RPS6KC1: variants seen among roughly 807,000 people sequenced by gnomAD.
The protein encoded by RPS6KC1 is inactive ribosomal protein S6 kinase delta-1.
RPS6KC1 carries 54 observed loss-of-function variants against 103.8 expected under a neutral mutation model. That is an observed-to-expected ratio of 0.52 (90% confidence interval 0.42 to 0.65). RPS6KC1 has a LOEUF of 0.65. RPS6KC1 is among the 30% of genes least tolerant of loss of function. The pLI is 0.00. For synonymous variants in RPS6KC1, 439 were observed against 438.7 expected, an observed-to-expected ratio of 1.00 and a Z score of -0.01; for missense variants, 1,151 against 1,253.8, an observed-to-expected ratio of 0.92 and a Z score of 1.24.
intron 8 of RPS6KC1, among the ~76,000 whole-genome samples, chr1:213,222,116 A>G (rs951016452): frequency 2.0e-5 from 3 of 152,208 alleles, no homozygotes; most frequent in South Asian, 2.1e-4. Flanking sequence ...TAGGCACAAC[A>G]TATTTTGCTT....
intron 8 of RPS6KC1, among the ~76,000 whole-genome samples, chr1:213,217,119 A>T (rs548407404): frequency 1.3e-5 from 2 of 151,676 alleles, no homozygotes; most frequent in East Asian, 1.9e-4. Context: ...ATTGATAGAC[A>T]GCTAGCAAGA....
the RPS6KC1 span, among the ~76,000 whole-genome samples, chr1:213,826,610 G>A: frequency 6.6e-6 from 1 of 152,174 alleles, no homozygotes; most frequent in Non-Finnish European, 1.5e-5. Context: ...GGCAAAAGCA[G>A]GGCATTAAAC....
At chr1:213,224,843 A>C (rs1044801624) in intron 8 of RPS6KC1, among the ~76,000 whole-genome samples, 4 of 152,240 alleles carry the variant, frequency 2.6e-5, no homozygotes, top group Non-Finnish European at 5.9e-5. Context: ...TGTGCATGCA[A>C]CTATAATATT....
At position 213,229,081 on chromosome 1, in the gene RPS6KC1, G is replaced by GT. The variant is rs1185281348; in HGVS notation, c.1045-1413dup. Among the ~76,000 whole-genome samples the GT allele has an allele frequency of 2.6e-5, 4 of 152,210 alleles. No homozygotes were observed. The East Asian group carries it at 7.7e-4, about 29-fold the overall frequency. ...AGTACTATAGGAGGAGCAGCAGGCT[G>GT]TTTGTTTGTTTGGTGAAGGCAGGGC... On this transcript the variant is annotated intron_variant, in intron 8 of 14. Coordinates refer to ENST00000366960, the MANE Select transcript of RPS6KC1 (RefSeq NM_012424.6).
chr1:213,407,535 A>C, the RPS6KC1 span, among the ~76,000 whole-genome samples: 2 of 152,272 alleles, frequency 1.3e-5, no homozygotes, highest in Non-Finnish European at 2.9e-5. Context: ...ACAGGTATCC[A>C]AAATGAAAGC....
At chr1:213,601,992 C>CTTTCT in the RPS6KC1 span, among the ~76,000 whole-genome samples, 242 of 20,120 alleles carry the variant, frequency 0.012, 46 homozygotes, top group Middle Eastern at 0.12. Flanking sequence ...CTCTCTCTTT[C>CTTTCT]TTTCTTTTCT....
intron 6 of RPS6KC1, 51 bp from the exon 7 acceptor site, chr1:213,167,807 G>C (rs760522018): frequency 8.7e-7 from 1 of 1,150,624 alleles, no homozygotes; most frequent in East Asian, 2.4e-5. Context: ...TTAATTTTCA[G>C]GTTGAACTGA....
chr1:213,844,971 C>G, the RPS6KC1 span, among the ~76,000 whole-genome samples: 3 of 151,748 alleles, frequency 2.0e-5, no homozygotes, highest in Admixed American at 2.0e-4. Flanking sequence ...ACGGGAAATA[C>G]AGCCATAGTG....
chr1:213,391,118 C>G, the RPS6KC1 span, among the ~76,000 whole-genome samples: 1 of 152,024 alleles, frequency 6.6e-6, no homozygotes, highest in South Asian at 2.1e-4. Context: ...GCATACTTAC[C>G]GAGCATCACC....
the RPS6KC1 span, among the ~76,000 whole-genome samples, chr1:213,432,339 G>C: frequency 0.42 from 63,442 of 151,926 alleles, 14,092 homozygotes; most frequent in East Asian, 0.55. Context: ...ATTACTTTTA[G>C]TTAAAGAAAC....
chr1:213,716,545 T>C, the RPS6KC1 span, among the ~76,000 whole-genome samples: 3 of 152,186 alleles, frequency 2.0e-5, no homozygotes, highest in Admixed American at 6.6e-5. Context: ...TTTGACATAA[T>C]TTTAGTTTCA....
At chr1:213,070,903 C>G (rs964036302) in intron 1 of RPS6KC1, 103 bp from the exon 2 acceptor site, 10 of 703,570 alleles carry the variant, frequency 1.4e-5, no homozygotes, top group Admixed American at 3.5e-5. Flanking sequence ...TTTTTTTAAG[C>G]AAATTGAATT....
At position 213,241,281 on chromosome 1, in the gene RPS6KC1, G is replaced by A. The variant is rs2094345626; in HGVS notation, c.1805G>A (p.Arg602Lys). ...RSKNSPMEFF[R>K]IDSKDSASEL... ...AAAAATAGCCCCATGGAATTCTTTA[G>A]GATAGACAGTAAGGATAGCGCAAGT... The change falls in exon 11 of 15, where the codon AGG becomes AAG. Residue 602 changes from arginine to lysine, a missense_variant. Arg to Lys is a conservative substitution (Grantham distance 26, BLOSUM62 2). Transcript: ENST00000366960. The A allele has an allele frequency of 1.9e-6, 3 of 1,613,792 alleles. No homozygotes were observed. Among genetic ancestry groups the A allele is most frequent in the Non-Finnish European group, 2.5e-6 (3 of 1,179,932 alleles).
At chr1:213,235,728 C>G (rs2094206644) in intron 10 of RPS6KC1, among the ~76,000 whole-genome samples, 2 of 152,024 alleles carry the variant, frequency 1.3e-5, no homozygotes, top group Admixed American at 1.3e-4. Flanking sequence ...GCAGGCAGAT[C>G]CTGTATAGCA....
chr1:213,473,051 T>C, the RPS6KC1 span, among the ~76,000 whole-genome samples: 1 of 152,234 alleles, frequency 6.6e-6, no homozygotes, highest in Non-Finnish European at 1.5e-5. Flanking sequence ...GTCTGGCATC[T>C]GCCGTTTTAA....
chr1:213,339,297 T>A, the RPS6KC1 span, among the ~76,000 whole-genome samples: 1 of 151,768 alleles, frequency 6.6e-6, no homozygotes, highest in Non-Finnish European at 1.5e-5. Flanking sequence ...AATAAATAAA[T>A]AAAATGAAAA....
chr1:213,280,546 C>G, the RPS6KC1 span, among the ~76,000 whole-genome samples: 1 of 152,134 alleles, frequency 6.6e-6, no homozygotes, highest in East Asian at 1.9e-4. Context: ...TGTAGCAGAG[C>G]TGCTCTGTGT....
the RPS6KC1 span, among the ~76,000 whole-genome samples, chr1:213,443,445 G>A: frequency 6.6e-6 from 1 of 152,180 alleles, no homozygotes; most frequent in South Asian, 2.1e-4. Context: ...GCTATCTATT[G>A]GACAAACTCC....
At chr1:213,650,086 C>T in the RPS6KC1 span, among the ~76,000 whole-genome samples, 28 of 152,278 alleles carry the variant, frequency 1.8e-4, no homozygotes, top group Admixed American at 4.6e-4. Flanking sequence ...GCAGTGGATG[C>T]AGGAGCCCAG....
Sources: gnomAD v4.1 joint callset for allele counts (sites outside exome capture counted in the v4.1 genomes callset) on GRCh38, gnomAD v4.1.1 for gene constraint, MANE v1.5 for transcripts, NCBI Gene and HGNC (gene_info 2026-07-23, HGNC 2026-07-21) for gene names.